TMTC2: variants seen among roughly 807,000 people sequenced by gnomAD.
The protein encoded by TMTC2 is protein O-mannosyl-transferase TMTC2.
TMTC2 carries 43 observed loss-of-function variants against 82.4 expected under a neutral mutation model. That is an observed-to-expected ratio of 0.52 (90% CI 0.41 to 0.67). The LOEUF (loss-of-function observed/expected upper bound fraction) is 0.67. TMTC2 is among the 30% of genes least tolerant of loss of function. TMTC2 has a pLI of 0.00. For missense variants in TMTC2, 919 were observed against 1,012.4 expected (o/e 0.91, Z 1.25); for synonymous variants, 408 against 381.9 (o/e 1.07, Z -0.80).
rs1421864828 is a variant in TMTC2, at chr12:83,132,201, T to C, written c.2332-9T>C. 2 of 1,585,826 alleles carry C rather than the reference T, an allele frequency of 1.3e-6. No homozygotes were observed. Among genetic ancestry groups the C allele is most frequent in the South Asian group, 2.3e-5 (2 of 86,156 alleles). ...CTCCTAATTGTTTTCCTTCTTTCTC[T>C]TGTTGCAGTATCCGGCTGCTTTGAT... On this transcript the variant is annotated splice_polypyrimidine_tract_variant and intron_variant, in intron 11 of 11. Transcript: ENST00000321196.
chr12:83,050,883 A>G (rs775495366), intron 9 of TMTC2, 21 bp from the exon 10 acceptor site: 24 of 1,558,338 alleles, frequency 1.5e-5, no homozygotes, highest in Non-Finnish European at 1.9e-5. Context: ...GTTGAAGCTC[A>G]CTGGTTTTTA....
At chr12:83,007,615 T>A (rs1480359293) in intron 8 of TMTC2, among the ~76,000 whole-genome samples, 1 of 152,232 alleles carries the variant, frequency 6.6e-6, no homozygotes. Flanking sequence ...CTTACCTATA[T>A]GCTGTAATCA....
intron 9 of TMTC2, among the ~76,000 whole-genome samples, chr12:83,042,418 T>G (rs1238095163): frequency 6.6e-6 from 1 of 152,226 alleles, no homozygotes; most frequent in Non-Finnish European, 1.5e-5. Context: ...TCTAGTTGCA[T>G]CCTTCTCTTC....
At chr12:83,030,694 T>C (rs1256730755) in intron 8 of TMTC2, 104 bp from the exon 9 acceptor site, 2 of 894,220 alleles carry the variant, frequency 2.2e-6, no homozygotes, top group Non-Finnish European at 3.5e-6. Context: ...TTTCCTTTCC[T>C]ATGATGATTA....
intron 1 of TMTC2, among the ~76,000 whole-genome samples, chr12:82,813,468 C>A (rs977114918): frequency 6.6e-6 from 1 of 152,004 alleles, no homozygotes; most frequent in Non-Finnish European, 1.5e-5. Flanking sequence ...TCAGGAGTTT[C>A]TTATTTGGCC....
At chr12:82,974,525 A>G (rs1247809911) in intron 7 of TMTC2, among the ~76,000 whole-genome samples, 1 of 152,204 alleles carries the variant, frequency 6.6e-6, no homozygotes, top group Non-Finnish European at 1.5e-5. Context: ...CAAGGAAATG[A>G]GAAGATATTC....
At chr12:83,109,137 A>T (rs1350279166) in intron 11 of TMTC2, among the ~76,000 whole-genome samples, 1 of 152,206 alleles carries the variant, frequency 6.6e-6, no homozygotes, top group Non-Finnish European at 1.5e-5. Flanking sequence ...GAGATTGGGT[A>T]ATTTATAAAG....
intron 1 of TMTC2, among the ~76,000 whole-genome samples, chr12:82,832,358 G>A (rs1467836583): frequency 7.9e-6 from 1 of 126,808 alleles, no homozygotes; most frequent in East Asian, 2.1e-4. Flanking sequence ...TTTTTTTTTT[G>A]ACGCAAAGTT....
At chr12:83,123,637 A>G (rs1314175917) in intron 11 of TMTC2, among the ~76,000 whole-genome samples, 1 of 152,172 alleles carries the variant, frequency 6.6e-6, no homozygotes, top group Non-Finnish European at 1.5e-5. Flanking sequence ...CAGAAGGGTT[A>G]ACATCATGAT....
chr12:83,055,048 T>A (rs190425198), intron 10 of TMTC2, among the ~76,000 whole-genome samples: 3 of 152,010 alleles, frequency 2.0e-5, no homozygotes, highest in Non-Finnish European at 4.4e-5. Context: ...CAGAATTCCC[T>A]TGGGCTCAGC....
At chr12:82,871,876 T>A (rs1872197900) in intron 2 of TMTC2, among the ~76,000 whole-genome samples, 1 of 152,070 alleles carries the variant, frequency 6.6e-6, no homozygotes, top group Admixed American at 6.6e-5. Context: ...ATCTAGATGT[T>A]GAGGGTAAAG....
chr12:82,918,828 G>A (rs958435820), intron 3 of TMTC2, among the ~76,000 whole-genome samples: 7 of 150,894 alleles, frequency 4.6e-5, no homozygotes, highest in African/African-American at 1.7e-4. Context: ...TGCGATCTCG[G>A]CTCACTGCAA....
chr12:83,098,385 T>A (rs1340103159), intron 11 of TMTC2, among the ~76,000 whole-genome samples: 1 of 152,204 alleles, frequency 6.6e-6, no homozygotes, highest in Non-Finnish European at 1.5e-5. Context: ...TGTAACAATG[T>A]TTCCTCTTCA....
chr12:82,933,614 C>T (rs1426613453), intron 4 of TMTC2, among the ~76,000 whole-genome samples: 1 of 152,144 alleles, frequency 6.6e-6, no homozygotes, highest in African/African-American at 2.4e-5. Flanking sequence ...TCATCAGTTA[C>T]AGTTATGTCT....
chr12:82,736,747 G>T (rs998686073), intron 1 of TMTC2, among the ~76,000 whole-genome samples: 1 of 152,108 alleles, frequency 6.6e-6, no homozygotes, highest in African/African-American at 2.4e-5. Context: ...ATTGCCACTT[G>T]CTATTTTGAA....
rs538126051 is a variant in TMTC2 at position 83,043,230 on chromosome 12, G to C, written c.2153-7674G>C. ...TATTTTTAATTATCTCAGAGAATTA[G>C]TGTTAACAAGCTACCACTCTTTAGT... is the stretch of plus-strand genomic sequence containing the variant. On this transcript the variant is annotated intron_variant, in intron 9 of 11. Transcript: ENST00000321196. Among the ~76,000 whole-genome samples, 3 of 152,280 alleles carry C rather than the reference G, an allele frequency of 2.0e-5. 1 individual carries two copies. The highest frequency in any genetic ancestry group is 7.2e-5 in the African/African-American group (3 of 41,562).
chr12:83,109,313 C>A (rs1039322118), intron 11 of TMTC2, among the ~76,000 whole-genome samples: 2 of 152,138 alleles, frequency 1.3e-5, no homozygotes, highest in African/African-American at 4.8e-5. Context: ...CACAAGAACA[C>A]ACTCACTATT....
At chr12:82,768,805 A>G (rs1877126924) in intron 1 of TMTC2, among the ~76,000 whole-genome samples, 1 of 152,034 alleles carries the variant, frequency 6.6e-6, no homozygotes, top group South Asian at 2.1e-4. Context: ...GGCAGAACCA[A>G]GTGAGAGGGA....
intron 1 of TMTC2, among the ~76,000 whole-genome samples, chr12:82,774,618 C>CA (rs139326993): frequency 2.2e-3 from 304 of 136,704 alleles, no homozygotes; most frequent in African/African-American, 6.7e-3. Flanking sequence ...AAGACTGTCT[C>CA]AAAAAAAAAG....
Sources: allele counts gnomAD v4.1 joint callset (sites outside exome capture counted in the v4.1 genomes callset), GRCh38; gene constraint gnomAD v4.1.1; transcripts MANE v1.5; gene names NCBI Gene and HGNC (gene_info 2026-07-23, HGNC 2026-07-21).